The following CEP85 variants were observed in gnomAD, a reference collection of about 807,000 sequenced individuals.
The protein encoded by CEP85 is centrosomal protein 85, also known as centrosomal protein of 85 kDa.
A neutral mutation model predicts 93.7 loss-of-function variants in CEP85; 58 were observed. The ratio of observed to expected loss-of-function variants is 0.62; its 90% CI spans 0.50 to 0.77. CEP85 has a LOEUF of 0.77. Ranked by LOEUF, CEP85 falls within the 30% of genes least tolerant of loss-of-function variation. CEP85 has a pLI of 0.00. For missense variants in CEP85, 868 were observed against 922.0 expected, an observed-to-expected ratio of 0.94 and a Z score of 0.76; for synonymous variants, 314 against 338.6, an observed-to-expected ratio of 0.93 and a Z score of 0.80.
In CEP85 at chr1:26,236,708, C is replaced by T. The variant is rs568364113; in HGVS notation, c.-23+2398C>T. 3.3e-5 allele frequency among the ~76,000 whole-genome samples: 5 copies of T among 152,178 alleles called. No individual in the cohort carries two copies. The South Asian group carries it at 1.0e-3, about 32-fold the overall frequency. ...GAGCCAAATATGGGTGACCAGTGGC[C>T]CCTGACACAGCCCTCAGGTGATCCT... On this transcript the variant is annotated intron_variant, in intron 1 of 13. Transcript: ENST00000451429.
At chr1:26,261,125 CTGA>C (rs2089801059) in intron 7 of CEP85, among the ~76,000 whole-genome samples, 1 of 151,752 alleles carries the variant, frequency 6.6e-6, no homozygotes, top group Admixed American at 6.6e-5. Context: ...CCAGGTGATG[CTGA>C]TGTTGTTGGT....
Position 26,277,280 on chromosome 1 carries a change from G to C in CEP85, c.2273G>C (p.Cys758Ser). 6.2e-7 allele frequency: 1 copy of C among 1,611,248 alleles called. No individual in the cohort carries two copies. The highest frequency in any genetic ancestry group is 8.5e-7 in the Non-Finnish European group (1 of 1,177,462). ...DRYAQDMGEN[C>S]VTQ ...TATGCCCAGGACATGGGAGAAAACTGTGTCACACAGTGAGGAATTCTGGGG... is the reference window on the plus strand; with the variant it reads ...TATGCCCAGGACATGGGAGAAAACTCTGTCACACAGTGAGGAATTCTGGGG... Residue 758 changes from cysteine (C) to serine (S), a missense_variant, in exon 14 of 14, where the codon TGT becomes TCT. Cys to Ser is a moderately radical substitution (Grantham distance 112). Transcript: ENST00000451429.
chr1:26,244,502 T>A (rs869683), intron 3 of CEP85, among the ~76,000 whole-genome samples, 184 bp downstream of exon 3: 79,994 of 151,954 alleles, frequency 0.53, 22,443 homozygotes, highest in Non-Finnish European at 0.65. Context: ...TATCTAAATT[T>A]CTACTTTTTA....
intron 1 of CEP85, among the ~76,000 whole-genome samples, 180 bp downstream of exon 1, chr1:26,234,490 C>T (rs907324103): frequency 1.2e-4 from 19 of 152,228 alleles, no homozygotes; most frequent in African/African-American, 3.4e-4. Flanking sequence ...GTCCCATTCC[C>T]CTCGCTTCCC....
intron 11 of CEP85, 41 bp downstream of exon 11, chr1:26,272,112 G>A: frequency 6.3e-7 from 1 of 1,584,246 alleles, no homozygotes; most frequent in Non-Finnish European, 8.7e-7. Context: ...AGAACTTAAT[G>A]ATGGAATCTC....
chr1:26,261,561 T>C (rs2089808670), intron 7 of CEP85, among the ~76,000 whole-genome samples: 1 of 152,014 alleles, frequency 6.6e-6, no homozygotes, highest in Non-Finnish European at 1.5e-5. Context: ...AGATTTATAA[T>C]AAAACTAGTA....
intron 11 of CEP85, among the ~76,000 whole-genome samples, chr1:26,272,777 C>T (rs1219767050): frequency 6.6e-6 from 1 of 151,790 alleles, no homozygotes; most frequent in Non-Finnish European, 1.5e-5. Flanking sequence ...TACGGGTGCC[C>T]ACCATCACGC....
chr1:26,256,588 CT>C (rs1034292888), intron 4 of CEP85, among the ~76,000 whole-genome samples: 1 of 144,240 alleles, frequency 6.9e-6, no homozygotes, highest in Admixed American at 7.0e-5. Flanking sequence ...CTCTCTACCA[CT>C]TTTGTATTTT....
intron 3 of CEP85, among the ~76,000 whole-genome samples, chr1:26,254,090 C>G (rs140731961): frequency 6.6e-6 from 1 of 152,184 alleles, no homozygotes; most frequent in East Asian, 1.9e-4. Flanking sequence ...TCTGAGTGTT[C>G]TCTGTGTTGG....
In CEP85 at chr1:26,277,489, G is replaced by A. The variant is rs897482614; in HGVS notation, c.*196G>A. On this transcript the variant is annotated 3_prime_UTR_variant, in exon 14 of 14. Coordinates refer to ENST00000451429, the MANE Select transcript of CEP85 (RefSeq NM_001319944.2). ...TGGCATGTTGGATTACGTTTGTCCT[G>A]TTAATTCACTCTAGACGGTGAGTTA... The A allele has an allele frequency of 3.1e-5, 17 of 548,672 alleles. No homozygotes were observed. Among genetic ancestry groups the A allele is most frequent in the Non-Finnish European group, 5.6e-5 (17 of 301,400 alleles). 34.0% of individuals were successfully genotyped at this position (548,672 alleles called of 1,614,324 possible).
chr1:26,237,879 T>C (rs1179263613), intron 1 of CEP85, among the ~76,000 whole-genome samples: 1 of 152,126 alleles, frequency 6.6e-6, no homozygotes, highest in African/African-American at 2.4e-5. Flanking sequence ...AGGAAATCAC[T>C]AGTAAGGAGG....
At chr1:26,273,350 CTGCAGTCT>C (rs2090005744) in intron 11 of CEP85, among the ~76,000 whole-genome samples, 2 of 152,184 alleles carry the variant, frequency 1.3e-5, no homozygotes, top group African/African-American at 4.8e-5. Flanking sequence ...TAAGTGGAGG[CTGCAGTCT>C]TGCCTTTGCC....
chr1:26,262,341 G>A (rs932619123), intron 7 of CEP85, among the ~76,000 whole-genome samples: 6 of 151,986 alleles, frequency 3.9e-5, no homozygotes, highest in African/African-American at 1.4e-4. Context: ...AGCGGGGTAT[G>A]GTGGTGGGCT....
intron 11 of CEP85, among the ~76,000 whole-genome samples, chr1:26,272,690 G>T (rs533250666): frequency 2.1e-5 from 3 of 141,534 alleles, no homozygotes; most frequent in Admixed American, 7.7e-5. Context: ...GTGCAATGGC[G>T]CAATCTCGGC....
rs145485563 is a variant in CEP85, at chr1:26,240,378, C to T, written c.55+540C>T. ...CTGCAGATAGCAAAATCCACAGATA[C>T]TCAAGTCCCTGATATAAAATGGTGT... On this transcript the variant is annotated intron_variant, in intron 2 of 13. Transcript: ENST00000451429. Among the ~76,000 whole-genome samples the T allele has an allele frequency of 9.3e-4, 141 of 152,282 alleles. 2 individuals carry two copies. The East Asian group carries it at 0.024, about 26-fold the overall frequency.
intron 7 of CEP85, among the ~76,000 whole-genome samples, chr1:26,260,054 G>T (rs1465503125): frequency 6.6e-6 from 1 of 152,152 alleles, no homozygotes; most frequent in African/African-American, 2.4e-5. Flanking sequence ...ACTGTCCCAG[G>T]TTGTGCTGTG....
intron 2 of CEP85, among the ~76,000 whole-genome samples, chr1:26,240,241 A>G (rs1172278496): frequency 6.6e-6 from 1 of 152,224 alleles, no homozygotes; most frequent in Non-Finnish European, 1.5e-5. Context: ...CATTGTTACT[A>G]GAAACTCAGG....
chr1:26,255,448 G>C lies in CEP85; in HGVS notation c.486G>C (p.Gln162His). The change falls in exon 4 of 14, where the codon CAG becomes CAC. Residue 162 changes from glutamine (Q) to histidine (H), a missense_variant. Physicochemically the swap from Gln to His is conservative, Grantham distance 24. Transcript: ENST00000451429. The stretch of plus-strand genomic sequence containing the variant: ...CTACTGGAGAAAATGGAATTGAGCA[G>C]TCCTGGTTTCCAGCAGTGGGCCATG... ...SGATGENGIE[Q>H]SWFPAVGHER... is the part of the protein sequence containing the mutation. 6.2e-7 allele frequency: 1 copy of C among 1,614,172 alleles called. No homozygotes were observed. The highest frequency in any genetic ancestry group is 8.5e-7 in the Non-Finnish European group (1 of 1,180,024).
At chr1:26,249,876 T>G (rs980429573) in intron 3 of CEP85, among the ~76,000 whole-genome samples, 1 of 152,152 alleles carries the variant, frequency 6.6e-6, no homozygotes, top group South Asian at 2.1e-4. Flanking sequence ...ATGCATTGTA[T>G]TTTTTAAAGA....
Sources: gnomAD v4.1 joint callset for allele counts (sites outside exome capture counted in the v4.1 genomes callset) on GRCh38, gnomAD v4.1.1 for gene constraint, MANE v1.5 for transcripts, NCBI Gene and HGNC (gene_info 2026-07-23, HGNC 2026-07-21) for gene names.